NPHP4: variants seen among roughly 807,000 people sequenced by gnomAD.
NPHP4 encodes the protein nephrocystin-4.
A neutral mutation model predicts 155.8 loss-of-function variants in NPHP4; 151 were observed. The ratio of observed to expected loss-of-function variants is 0.97; its 90% CI spans 0.85 to 1.11. The LOEUF (loss-of-function observed/expected upper bound fraction) is 1.11, where lower values mean the gene tolerates loss of function less well. Among genes scored for constraint, NPHP4 ranks in the 50% least tolerant of loss-of-function variants. The pLI is 0.00. For missense variants in NPHP4, 1,956 were observed against 1,925.7 expected, an observed-to-expected ratio of 1.02 and a Z score of -0.29; for synonymous variants, 845 against 816.8, an observed-to-expected ratio of 1.03 and a Z score of -0.59.
intron 22 of NPHP4, chr1:5,873,906 C>A (rs1465499063): frequency 4.7e-6 from 1 of 213,972 alleles, no homozygotes; most frequent in South Asian, 6.7e-5. Flanking sequence ...CCCCTACACG[C>A]ACAACTCCTG....
chr1:5,868,312 G>T, intron 23 of NPHP4: 1 of 333,786 alleles, frequency 3.0e-6, no homozygotes, highest in Non-Finnish European at 5.9e-6. Context: ...CAAGTTCGCG[G>T]TCAAGCACGT....
rs1472500520 is a variant in NPHP4, at chr1:5,892,429, T to G, written c.2144-1401A>C. 1.3e-5 allele frequency among the ~76,000 whole-genome samples: 2 copies of G among 151,996 alleles called. No individual in the cohort carries two copies. The highest frequency in any genetic ancestry group is 2.9e-5 in the Non-Finnish European group (2 of 67,978). ...TCCCTGTTTTGAAACCCAGAGCTCCTTAAGGGTGGGGCCCTGCTTGTCCAG... is the reference window on the plus strand; with the variant it reads ...TCCCTGTTTTGAAACCCAGAGCTCCGTAAGGGTGGGGCCCTGCTTGTCCAG... On this transcript the variant is annotated intron_variant, in intron 16 of 29. Transcript: ENST00000378156. The surrounding 1 kb of genome is among the most constrained non-coding windows in gnomAD (Gnocchi z 4.5).
rs1408378039 is a variant in NPHP4, at chr1:5,867,441, C to T, written c.3472+299G>A. The stretch of plus-strand genomic sequence containing the variant: ...GTAAGGGGCACCTACCAGAAACACG[C>T]GGGCCGTCAGGTGAGGAGGTAGGTG... On this transcript the variant is annotated intron_variant, in intron 24 of 29. Transcript: ENST00000378156. The surrounding 1 kb of genome is among the most constrained non-coding windows in gnomAD (Gnocchi z 4.1). The T allele has an allele frequency of 3.3e-5, 18 of 549,052 alleles. No individual in the cohort carries two copies. The highest frequency in any genetic ancestry group is 9.1e-5 in the South Asian group (4 of 44,124). The allele number at this position is 549,052 out of a possible 1,614,324, so 34.0% of individuals were successfully genotyped here.
chr1:5,904,567 C>T (rs746703147), intron 16 of NPHP4, 50 bp downstream of exon 16: 1 of 1,418,998 alleles, frequency 7.0e-7, no homozygotes, highest in Non-Finnish European at 9.6e-7. Context: ...AATTTACACA[C>T]ACAACTCAGT....
intron 16 of NPHP4, among the ~76,000 whole-genome samples, chr1:5,894,878 G>A (rs1435167846): frequency 6.6e-6 from 1 of 152,148 alleles, no homozygotes; most frequent in Non-Finnish European, 1.5e-5. Context: ...GTCTTGGACC[G>A]TCATCTCCTC....
At position 5,907,102 on chromosome 1, in the gene NPHP4, G is replaced by A. The variant is rs2101170313; in HGVS notation, c.1611+13C>T. Reference sequence around the variant, plus strand: ...CTTGGTGGAAGGCAAGGCGGCAGGTGGGCGGCACTTACTGCCTGGGCCGGG... The same window carrying A: ...CTTGGTGGAAGGCAAGGCGGCAGGTAGGCGGCACTTACTGCCTGGGCCGGG... On this transcript the variant is annotated intron_variant, in intron 13 of 29. Coordinates refer to ENST00000378156, the MANE Select transcript of NPHP4 (RefSeq NM_015102.5). 1.4e-6 allele frequency: 2 copies of A among 1,455,234 alleles called. No homozygotes were observed. Among genetic ancestry groups the A allele is most frequent in the Admixed American group, 2.2e-5 (1 of 45,688 alleles). 90.1% of individuals were successfully genotyped at this position (1,455,234 alleles called of 1,614,324 possible). A position where few individuals can be genotyped will look rare whatever the true frequency, so the allele number is the denominator to read the frequency against.
chr1:5,977,213 G>A (rs568568399), intron 3 of NPHP4, among the ~76,000 whole-genome samples: 7 of 152,146 alleles, frequency 4.6e-5, no homozygotes, highest in African/African-American at 9.6e-5. Flanking sequence ...AAACGTCAGC[G>A]TCCCTAAGAA....
At chr1:5,956,769 A>T (rs528038050) in intron 6 of NPHP4, among the ~76,000 whole-genome samples, 34 of 152,306 alleles carry the variant, frequency 2.2e-4, no homozygotes, top group African/African-American at 7.9e-4. Context: ...AATTTAAGAC[A>T]CAACTTTCAT....
At chr1:5,988,296 G>A (rs905998435) in intron 1 of NPHP4, among the ~76,000 whole-genome samples, 2 of 152,186 alleles carry the variant, frequency 1.3e-5, no homozygotes, top group Admixed American at 6.5e-5. Flanking sequence ...TAACTAGATC[G>A]GGATGGATTT....
Position 5,961,804 on chromosome 1 carries a change from A to G in NPHP4, c.663T>C (p.His221=), listed in dbSNP as rs1178309048. Residue 221 remains histidine, a synonymous_variant, in exon 6 of 30, where the codon CAT becomes CAC. Transcript: ENST00000378156. ...CAAAGACGCCCTTACCGGATTCTCC[A>G]TGAGCTGGAAGCAGGCCAGGTATCT... ...LQQIPGLLPA[H]GESGDALRKP... is the part of the protein sequence containing the mutation. The G allele has an allele frequency of 6.2e-7, 1 of 1,612,366 alleles. No homozygotes were observed. The highest frequency in any genetic ancestry group is 1.1e-5 in the South Asian group (1 of 90,648).
rs1644026294 is a variant in NPHP4 at position 5,889,858 on chromosome 1, C to T, written c.2304+1010G>A. ...GTCCCTGCCACCTGCAGACCCCACCCTGAACGTTCTGTGCACAGCCCACCA... is the reference window on the plus strand; with the variant it reads ...GTCCCTGCCACCTGCAGACCCCACCTTGAACGTTCTGTGCACAGCCCACCA... On this transcript the variant is annotated intron_variant, in intron 17 of 29. Transcript: ENST00000378156. The surrounding 1 kb of genome is among the most constrained non-coding windows in gnomAD (Gnocchi z 4.2). Among the ~76,000 whole-genome samples the T allele has an allele frequency of 6.6e-6, 1 of 152,232 alleles. No homozygotes were observed. The highest frequency in any genetic ancestry group is 1.5e-5 in the Non-Finnish European group (1 of 68,032).
chr1:5,981,673 A>G (rs1654723175), intron 2 of NPHP4, among the ~76,000 whole-genome samples: 1 of 152,194 alleles, frequency 6.6e-6, no homozygotes, highest in Non-Finnish European at 1.5e-5. Flanking sequence ...CCAAACCATC[A>G]TCTATTTCCA....
intron 5 of NPHP4, among the ~76,000 whole-genome samples, chr1:5,963,629 C>G (rs765797374): frequency 2.0e-5 from 3 of 151,940 alleles, no homozygotes; most frequent in Non-Finnish European, 4.4e-5. Flanking sequence ...TAAGAATTCA[C>G]GCACATGCTC....
In NPHP4 at chr1:5,880,218, A is replaced by G; in HGVS notation, c.2507T>C (p.Val836Ala). The G allele has an allele frequency of 6.2e-7, 1 of 1,613,592 alleles. No individual in the cohort carries two copies. Among genetic ancestry groups the G allele is most frequent in the African/African-American group, 1.3e-5 (1 of 75,032 alleles). The change falls in exon 19 of 30, where the codon GTG becomes GCG. Residue 836 changes from valine to alanine, a missense_variant. By Grantham distance (64) the Val-to-Ala change is moderately conservative. Coordinates refer to ENST00000378156, the MANE Select transcript of NPHP4 (RefSeq NM_015102.5). ...CGGTGGCAATGTGCTACAACCTCTC[A>G]CTTTCTGTTCACACGGGTGACCTAC... is the stretch of plus-strand genomic sequence containing the variant. ...ANVGHPCEQK[V>A]RGCSTLPPSR...
chr1:5,905,754 G>A lies in NPHP4; in HGVS notation c.1641C>T (p.Ser547=). 1 of 1,611,606 alleles carries A rather than the reference G, an allele frequency of 6.2e-7. No individual in the cohort carries two copies. Among genetic ancestry groups the A allele is most frequent in the South Asian group, 1.1e-5 (1 of 90,474 alleles). Residue 547 remains serine, a synonymous_variant, in exon 14 of 30, where the codon TCC becomes TCT. Coordinates refer to ENST00000378156, the MANE Select transcript of NPHP4 (RefSeq NM_015102.5). The surrounding 1 kb of genome is among the most constrained non-coding windows in gnomAD (Gnocchi z 4.0). Reference sequence around the variant, plus strand: ...TCTGGCTCAGGTCGGCTTCCAGGTGGGAGATACCGGCCTCCAACGGGAACT... The same window carrying A: ...TCTGGCTCAGGTCGGCTTCCAGGTGAGAGATACCGGCCTCCAACGGGAACT... ...AQEFPLEAGI[S]HLEADLSQTS... is the part of the protein sequence containing the mutation.
In NPHP4 at chr1:5,865,649, G is replaced by A. The variant is rs546474451; in HGVS notation, c.3645-376C>T. The A allele has an allele frequency of 1.6e-4, 30 of 188,948 alleles. No homozygotes were observed. In the South Asian group the frequency reaches 4.4e-3, roughly 28 times the overall value. 11.7% of individuals were successfully genotyped at this position (188,948 alleles called of 1,614,324 possible). A position where few individuals can be genotyped will look rare whatever the true frequency, so the allele number is the denominator to read the frequency against. On this transcript the variant is annotated intron_variant, in intron 26 of 29. Transcript: ENST00000378156. Reference sequence around the variant, plus strand: ...GTTCTGAGGCTAAGCCAAGGGCAGCGCCACGCAGGAGACAGGGTGGGGCTG... The same window carrying A: ...GTTCTGAGGCTAAGCCAAGGGCAGCACCACGCAGGAGACAGGGTGGGGCTG...
intron 26 of NPHP4, chr1:5,865,576 C>T (rs769787517): frequency 9.4e-6 from 3 of 319,048 alleles, no homozygotes; most frequent in Non-Finnish European, 1.7e-5. Context: ...TGACAAGGCA[C>T]GCTTTGGCCA....
rs70977991 is a variant in NPHP4 at position 5,914,286 on chromosome 1, A to AAAAAAAAAAAAG, written c.1442-5074_1442-5073insCTTTTTTTTTTT. Among the ~76,000 whole-genome samples, 435 of 139,844 alleles carry AAAAAAAAAAAAG rather than the reference A, an allele frequency of 3.1e-3. 23 individuals are homozygous for AAAAAAAAAAAAG. Among genetic ancestry groups the AAAAAAAAAAAAG allele is most frequent in the African/African-American group, 0.012 (406 of 33,870 alleles). The allele number at this position is 139,844 out of a possible 152,430, so 91.7% of individuals were successfully genotyped here. ...AAAAAAAAAAAAAAAAAAAAAAAAA[A>AAAAAAAAAAAAG]GGCCTGGTGTGGTGGCATGCACCTG... On this transcript the variant is annotated intron_variant, in intron 11 of 29. Coordinates refer to ENST00000378156, the MANE Select transcript of NPHP4 (RefSeq NM_015102.5).
intron 6 of NPHP4, among the ~76,000 whole-genome samples, chr1:5,953,793 A>G (rs1648658545): frequency 6.6e-6 from 1 of 152,208 alleles, no homozygotes. Context: ...CTCATCCAGG[A>G]GGAGGAAGGA....
Sources: allele counts gnomAD v4.1 joint callset (sites outside exome capture counted in the v4.1 genomes callset), GRCh38; gene constraint gnomAD v4.1.1; non-coding constraint Gnocchi (gnomAD v3.1); transcripts MANE v1.5; gene names NCBI Gene and HGNC (gene_info 2026-07-23, HGNC 2026-07-21).